Variants in MED13L observed in about 807,000 individuals in gnomAD.
The protein encoded by MED13L is mediator of RNA polymerase II transcription subunit 13-like.
MED13L carries 7 observed loss-of-function variants against 220.9 expected under a neutral mutation model. The ratio of observed to expected loss-of-function variants is 0.03; its 90% CI spans 0.02 to 0.06. The LOEUF is 0.06. MED13L is among the 10% of genes least tolerant of loss of function. The pLI is 1.00. For synonymous variants in MED13L, 1,011 were observed against 1,015.2 expected (o/e 1.00, Z 0.08); for missense variants, 1,965 against 2,760.5 (o/e 0.71, Z 6.46).
chr12:115,996,981 C>G (rs775913227), intron 15 of MED13L, 29 bp downstream of exon 15: 1 of 1,592,032 alleles, frequency 6.3e-7, no homozygotes, highest in Non-Finnish European at 8.6e-7. Flanking sequence ...ACTGCTCTGC[C>G]CTGGAAATGT....
chr12:116,011,725 C>T (rs879342791), intron 9 of MED13L, among the ~76,000 whole-genome samples: 4 of 152,218 alleles, frequency 2.6e-5, no homozygotes, highest in Non-Finnish European at 5.9e-5. Context: ...CAAGCAACTT[C>T]TTCAAAAACA....
intron 4 of MED13L, among the ~76,000 whole-genome samples, chr12:116,080,881 A>C (rs921137251): frequency 1.8e-4 from 27 of 152,208 alleles, no homozygotes; most frequent in African/African-American, 6.3e-4. Context: ...ATAAATACTT[A>C]TTATTTGTAC....
At chr12:116,043,788 T>G (rs1881673654) in intron 4 of MED13L, among the ~76,000 whole-genome samples, 1 of 152,142 alleles carries the variant, frequency 6.6e-6, no homozygotes. Context: ...CTAAAGCAAA[T>G]GACTTGATGA....
intron 4 of MED13L, among the ~76,000 whole-genome samples, chr12:116,077,282 C>T (rs546358178): frequency 1.4e-4 from 21 of 152,154 alleles, no homozygotes; most frequent in Admixed American, 6.5e-4. Context: ...CTGAGTTCCT[C>T]GGCAGGACTT....
chr12:116,153,509 C>A (rs1489977080), intron 2 of MED13L, among the ~76,000 whole-genome samples: 1 of 152,116 alleles, frequency 6.6e-6, no homozygotes, highest in Non-Finnish European at 1.5e-5. Context: ...ATGTCATTAA[C>A]AACAAAAATC....
At chr12:116,058,336 T>G (rs958621005) in intron 4 of MED13L, among the ~76,000 whole-genome samples, 1 of 152,182 alleles carries the variant, frequency 6.6e-6, no homozygotes, top group African/African-American at 2.4e-5. Flanking sequence ...TTCCATGTGT[T>G]TATTTCAACC....
At chr12:116,116,400 A>G (rs1874522142) in intron 2 of MED13L, among the ~76,000 whole-genome samples, 1 of 152,192 alleles carries the variant, frequency 6.6e-6, no homozygotes, top group African/African-American at 2.4e-5. Context: ...AACTGGACAC[A>G]TGGAGGTTCT....
chr12:116,008,039 G>A (rs1041948276), intron 10 of MED13L: 1 of 329,800 alleles, frequency 3.0e-6, no homozygotes, highest in Non-Finnish European at 5.5e-6. Context: ...ACATACACCT[G>A]AATGCAGGCA....
chr12:116,265,733 A>G (rs931029903), intron 1 of MED13L, among the ~76,000 whole-genome samples: 3 of 152,236 alleles, frequency 2.0e-5, no homozygotes, highest in African/African-American at 7.2e-5. Flanking sequence ...TTCAATTTCA[A>G]TAAGTCTTTG....
rs150860907 is a variant in MED13L at position 115,975,595 on chromosome 12, C to T, written c.5508G>A (p.Gln1836=). The T allele has an allele frequency of 1.7e-5, 28 of 1,614,050 alleles. No individual in the cohort carries two copies. In the African/African-American group the frequency reaches 2.9e-4, roughly 17 times the overall value. Residue 1836 remains glutamine (Q), a synonymous_variant, in exon 24 of 31, where the codon CAG becomes CAA. Transcript: ENST00000281928. The part of the protein sequence containing the change: ...LFVGYCLSHD[Q]RWLLASCTDL... Reference sequence around the variant, plus strand: ...CAGTGCAGGAAGCCAAAAGCCAGCGCTGGTCGTGAGACAGACAATAGCCCA... The same window carrying T: ...CAGTGCAGGAAGCCAAAAGCCAGCGTTGGTCGTGAGACAGACAATAGCCCA...
intron 4 of MED13L, among the ~76,000 whole-genome samples, chr12:116,094,348 T>C (rs1872494430): frequency 6.6e-6 from 1 of 152,240 alleles, no homozygotes; most frequent in Non-Finnish European, 1.5e-5. Context: ...AGTCCCATAT[T>C]CAATCATGAA....
At chr12:116,037,083 T>C (rs1017661405) in intron 4 of MED13L, among the ~76,000 whole-genome samples, 3 of 152,170 alleles carry the variant, frequency 2.0e-5, no homozygotes, top group African/African-American at 7.2e-5. Flanking sequence ...TAAATCACCA[T>C]TACAGTTCTA....
At chr12:116,067,325 T>C (rs767790037) in intron 4 of MED13L, among the ~76,000 whole-genome samples, 14 of 152,214 alleles carry the variant, frequency 9.2e-5, no homozygotes, top group Admixed American at 5.2e-4. Context: ...ATTTGACTAA[T>C]GTATTATATA....
In MED13L at chr12:115,984,394, T is replaced by C. The variant is rs775679838; in HGVS notation, c.4339-22A>G. On this transcript the variant is annotated intron_variant, in intron 19 of 30. Coordinates refer to ENST00000281928, the MANE Select transcript of MED13L (RefSeq NM_015335.5). ...ACATCTGATATCATAGACAAGATCA[T>C]TAGTTATAACAGGAGCCATTCCTTC... The C allele has an allele frequency of 4.3e-6, 7 of 1,613,300 alleles. No homozygotes were observed. In the South Asian group the frequency reaches 6.6e-5, roughly 15 times the overall value.
chr12:116,138,163 A>T (rs544296563), intron 2 of MED13L, among the ~76,000 whole-genome samples: 6 of 152,138 alleles, frequency 3.9e-5, no homozygotes, highest in Non-Finnish European at 7.4e-5. Flanking sequence ...GCCTGACATA[A>T]ATTTTTAAAA....
At chr12:116,276,560 A>G (rs1487885395) in intron 1 of MED13L, 8 of 1,248,510 alleles carry the variant, frequency 6.4e-6, no homozygotes, top group Non-Finnish European at 8.2e-6. Flanking sequence ...ATCGCATTCA[A>G]TCAACTATTT....
chr12:115,984,008 A>C (rs2137277459), intron 20 of MED13L, among the ~76,000 whole-genome samples, 172 bp downstream of exon 20: 1 of 152,358 alleles, frequency 6.6e-6, no homozygotes, highest in East Asian at 1.9e-4. Context: ...TAAAAAATAT[A>C]TGTCCATATA....
At chr12:116,137,559 A>C (rs1876666686) in intron 2 of MED13L, among the ~76,000 whole-genome samples, 1 of 152,116 alleles carries the variant, frequency 6.6e-6, no homozygotes, top group Non-Finnish European at 1.5e-5. Context: ...CTGGGTAAAA[A>C]TTATGAGGTA....
intron 3 of MED13L, among the ~76,000 whole-genome samples, chr12:116,110,779 T>C (rs750905918): frequency 1.8e-4 from 27 of 152,168 alleles, no homozygotes; most frequent in South Asian, 6.2e-4. Flanking sequence ...ATCACTTCTA[T>C]GGTATTCCTA....
Sources: gnomAD v4.1 joint callset for allele counts (sites outside exome capture counted in the v4.1 genomes callset) on GRCh38, gnomAD v4.1.1 for gene constraint, MANE v1.5 for transcripts, NCBI Gene and HGNC (gene_info 2026-07-23, HGNC 2026-07-21) for gene names.